GALNTL6: variants seen among roughly 807,000 people sequenced by gnomAD.
GALNTL6 encodes the protein polypeptide N-acetylgalactosaminyltransferase like 6, also known as polypeptide N-acetylgalactosaminyltransferase-like 6.
Under a neutral mutation model 73.7 loss-of-function variants are expected in GALNTL6, and 46 were observed. The observed-to-expected ratio is 0.62, with a 90% CI of 0.49 to 0.80. GALNTL6 has a LOEUF of 0.80. Ranked by LOEUF, GALNTL6 falls within the 30% of genes least tolerant of loss-of-function variation. The pLI is 0.00. For missense variants in GALNTL6, 604 were observed against 755.0 expected (o/e 0.80, Z 2.34); for synonymous variants, 259 against 263.7 (o/e 0.98, Z 0.17).
chr4:172,073,237 A>G (rs36094561), intron 2 of GALNTL6, among the ~76,000 whole-genome samples: 47,920 of 152,034 alleles, frequency 0.32, 8,735 homozygotes, highest in East Asian at 0.52. Context: ...CCTATATTAA[A>G]TATTAATAAT....
intron 6 of GALNTL6, among the ~76,000 whole-genome samples, chr4:172,810,563 G>A (rs1741236420): frequency 6.6e-6 from 1 of 152,078 alleles, no homozygotes; most frequent in Non-Finnish European, 1.5e-5. Flanking sequence ...TTTTCAGCAA[G>A]AACCAGCAAA....
At chr4:172,488,661 C>T (rs1382358030) in intron 5 of GALNTL6, among the ~76,000 whole-genome samples, 2 of 152,100 alleles carry the variant, frequency 1.3e-5, no homozygotes, top group African/African-American at 4.8e-5. Context: ...TATTCTATTG[C>T]TTGAAGATAA....
At chr4:172,884,886 C>T (rs1031677455) in intron 8 of GALNTL6, among the ~76,000 whole-genome samples, 1 of 152,124 alleles carries the variant, frequency 6.6e-6, no homozygotes, top group African/African-American at 2.4e-5. Flanking sequence ...TGTCCTTTTC[C>T]CCACTGTATG....
chr4:171,983,089 A>C (rs748811021), intron 2 of GALNTL6, among the ~76,000 whole-genome samples: 9 of 152,038 alleles, frequency 5.9e-5, no homozygotes, highest in Non-Finnish European at 1.0e-4. Context: ...AGATGCTCCT[A>C]TGATTTATAT....
chr4:171,950,536 A>T (rs964724719), intron 2 of GALNTL6, among the ~76,000 whole-genome samples: 4 of 147,682 alleles, frequency 2.7e-5, no homozygotes. Context: ...ACTGGAGTGC[A>T]GTGGCTCGAT....
intron 5 of GALNTL6, among the ~76,000 whole-genome samples, chr4:172,682,929 C>CTCTG (rs5864153): frequency 0.98 from 149,004 of 152,180 alleles, 73,027 homozygotes; most frequent in Non-Finnish European, 1. Flanking sequence ...ATTATATTGT[C>CTCTG]TCTGTTGATT....
At chr4:172,002,961 A>G (rs1740721599) in intron 2 of GALNTL6, among the ~76,000 whole-genome samples, 1 of 152,192 alleles carries the variant, frequency 6.6e-6, no homozygotes, top group South Asian at 2.1e-4. Context: ...GCTACATGTA[A>G]CACAATTAAT....
chr4:172,925,547 T>C (rs892540633), intron 8 of GALNTL6, among the ~76,000 whole-genome samples: 2 of 152,204 alleles, frequency 1.3e-5, no homozygotes, highest in African/African-American at 4.8e-5. Context: ...TCTAGTCACA[T>C]GAGTTTAACC....
intron 2 of GALNTL6, among the ~76,000 whole-genome samples, chr4:172,038,974 T>C (rs2110835757): frequency 6.6e-6 from 1 of 152,298 alleles, no homozygotes; most frequent in East Asian, 1.9e-4. Flanking sequence ...ACAAGCGTAT[T>C]TCCCTGATGC....
intron 3 of GALNTL6, among the ~76,000 whole-genome samples, chr4:172,284,335 A>G (rs1699467279): frequency 6.6e-6 from 1 of 152,184 alleles, no homozygotes; most frequent in South Asian, 2.1e-4. Context: ...ACATGGGCAT[A>G]TTGCATAGTG....
rs1384264539 is a variant in GALNTL6, at chr4:171,858,013, G to A, written c.138+43295G>A. Among the ~76,000 whole-genome samples the A allele has an allele frequency of 3.3e-5, 5 of 152,140 alleles. No individual in the cohort carries two copies. The South Asian group carries it at 8.3e-4, about 25-fold the overall frequency. ...ATCAATGATATGGTTAGTGGAAAGTGTGTAACAACCATATTTATGGCATTT... is the reference window on the plus strand; with the variant it reads ...ATCAATGATATGGTTAGTGGAAAGTATGTAACAACCATATTTATGGCATTT... On this transcript the variant is annotated intron_variant, in intron 2 of 12. Transcript: ENST00000506823.
intron 5 of GALNTL6, among the ~76,000 whole-genome samples, chr4:172,606,636 A>ATAC (rs1738298644): frequency 2.4e-5 from 1 of 41,084 alleles, no homozygotes; most frequent in African/African-American, 5.4e-5. Context: ...TATACTATAT[A>ATAC]TATACTATAT....
At chr4:172,766,501 C>T (rs752041124) in intron 5 of GALNTL6, among the ~76,000 whole-genome samples, 1 of 151,896 alleles carries the variant, frequency 6.6e-6, no homozygotes, top group Non-Finnish European at 1.5e-5. Context: ...GGAAGAAGAA[C>T]CTGAACTAAA....
intron 5 of GALNTL6, among the ~76,000 whole-genome samples, chr4:172,609,591 G>A (rs929475051): frequency 2.0e-5 from 3 of 146,870 alleles, no homozygotes; most frequent in African/African-American, 5.1e-5. Context: ...AAGGATATTG[G>A]CCTGAAGTTT....
intron 2 of GALNTL6, among the ~76,000 whole-genome samples, chr4:172,125,974 C>T (rs139954482): frequency 5.9e-5 from 9 of 152,132 alleles, no homozygotes; most frequent in African/African-American, 2.2e-4. Context: ...TTATCAAAAA[C>T]ATCTTTTTGG....
At chr4:172,403,524 TTCTTACGGTTAGCCAAAAATTG>T (rs148173549) in intron 5 of GALNTL6, among the ~76,000 whole-genome samples, 3,114 of 152,108 alleles carry the variant, frequency 0.02, 100 homozygotes, top group African/African-American at 0.07. Flanking sequence ...AGAAGTCTTT[TTCTTACGGTTAGCCAAAAATTG>T]TCTTAAATAA....
At chr4:173,022,015 AAAGGAAGGAAGGAAAGAAGGAAGG>A (rs1753010092) in intron 12 of GALNTL6, among the ~76,000 whole-genome samples, 1 of 119,624 alleles carries the variant, frequency 8.4e-6, no homozygotes, top group Non-Finnish European at 1.7e-5. Flanking sequence ...GAGAGAGAGA[AAAGGAAGGAAGGAAAGAAGGAAGG>A]AAGGAAGGAA....
At chr4:172,874,786 T>C (rs1375870516) in intron 7 of GALNTL6, among the ~76,000 whole-genome samples, 1 of 152,232 alleles carries the variant, frequency 6.6e-6, no homozygotes, top group East Asian at 1.9e-4. Context: ...TGGTGGCCCC[T>C]GTGGAGAGCA....
chr4:172,643,118 T>A (rs571355057), intron 5 of GALNTL6, among the ~76,000 whole-genome samples: 84 of 147,924 alleles, frequency 5.7e-4, no homozygotes, highest in African/African-American at 2.0e-3. Context: ...AAAAAAAAAA[T>A]TACTGCTAAT....
Sources: allele counts gnomAD v4.1 joint callset (sites outside exome capture counted in the v4.1 genomes callset), GRCh38; gene constraint gnomAD v4.1.1; transcripts MANE v1.5; gene names NCBI Gene and HGNC (gene_info 2026-07-23, HGNC 2026-07-21).